Variants in NEO1 observed in about 807,000 individuals in gnomAD.
NEO1 encodes neogenin.
Under a neutral mutation model 159.7 loss-of-function variants are expected in NEO1, and 63 were observed. That is an observed-to-expected ratio of 0.39 (90% CI 0.32 to 0.49). The LOEUF is 0.49. Among genes scored for constraint, NEO1 ranks in the 20% least tolerant of loss-of-function variants. NEO1 has a pLI of 0.85. For synonymous variants in NEO1, 633 were observed against 662.0 expected, an observed-to-expected ratio of 0.96 and a Z score of 0.67; for missense variants, 1,615 against 1,831.0, an observed-to-expected ratio of 0.88 and a Z score of 2.15.
At chr15:73,297,482 T>A (rs749517127) in intron 26 of NEO1, among the ~76,000 whole-genome samples, 1 of 152,220 alleles carries the variant, frequency 6.6e-6, no homozygotes, top group Non-Finnish European at 1.5e-5. Flanking sequence ...CCTCAAAGAA[T>A]TATGTGTTAT....
intron 7 of NEO1, among the ~76,000 whole-genome samples, chr15:73,232,824 G>A (rs537864582): frequency 1.3e-5 from 2 of 152,262 alleles, no homozygotes; most frequent in South Asian, 4.2e-4. Context: ...TATCAAATGA[G>A]CTCTTCTGGC....
At chr15:73,235,260 CCTA>C (rs1338147753) in intron 7 of NEO1, among the ~76,000 whole-genome samples, 1 of 152,190 alleles carries the variant, frequency 6.6e-6, no homozygotes, top group African/African-American at 2.4e-5. Context: ...CTACATCTCT[CCTA>C]CTAATTTCCC....
intron 1 of NEO1, among the ~76,000 whole-genome samples, chr15:73,054,784 T>A (rs2067621466): frequency 6.6e-6 from 1 of 152,204 alleles, no homozygotes; most frequent in Admixed American, 6.5e-5. Flanking sequence ...GGTTGGTCAG[T>A]TCTGCCATAA....
At chr15:73,289,958 T>TA (rs1272812721) in intron 25 of NEO1, among the ~76,000 whole-genome samples, 2 of 150,622 alleles carry the variant, frequency 1.3e-5, no homozygotes, top group East Asian at 2.0e-4. Flanking sequence ...TCAAAAAAAA[T>TA]AAAAAAAATA....
chr15:73,292,539 G>C (rs953938897), intron 25 of NEO1, among the ~76,000 whole-genome samples: 26 of 152,196 alleles, frequency 1.7e-4, no homozygotes, highest in African/African-American at 6.3e-4. Flanking sequence ...TTCCATCTCA[G>C]ATGGATAATG....
chr15:73,194,406 AGGCTGTACAAGAAGCAT>A (rs1403836153), intron 7 of NEO1, among the ~76,000 whole-genome samples: 1 of 152,358 alleles, frequency 6.6e-6, no homozygotes, highest in Non-Finnish European at 1.5e-5. Context: ...CTGGTTCTGC[AGGCTGTACAAGAAGCAT>A]GGCACCATCA....
At chr15:73,224,001 G>A (rs2038435149) in intron 7 of NEO1, among the ~76,000 whole-genome samples, 1 of 152,154 alleles carries the variant, frequency 6.6e-6, no homozygotes, top group Non-Finnish European at 1.5e-5. Context: ...TTGGGTAGTG[G>A]TGAGTTCTTT....
intron 11 of NEO1, among the ~76,000 whole-genome samples, 195 bp downstream of exon 11, chr15:73,249,916 G>T (rs1228442100): frequency 6.6e-6 from 1 of 152,180 alleles, no homozygotes; most frequent in African/African-American, 2.4e-5. Context: ...TCATTGAGTT[G>T]CTGTAAAGAT....
chr15:73,270,417 A>C lies in NEO1; in HGVS notation c.2820A>C (p.Thr940=), dbSNP rs754728953. The part of the protein sequence containing the change: ...VMVTKGRRSS[T]WSMTAHGTTF... ...TGACCAAAGGTCGAAGATCAAGTAC[A>C]TGGAGTATGACAGCCCATGGGACCA... is the stretch of plus-strand genomic sequence containing the variant. The change falls in exon 18 of 29, where the codon ACA becomes ACC. Residue 940 remains threonine, a synonymous_variant. Transcript: ENST00000261908. 6.2e-7 allele frequency: 1 copy of C among 1,614,062 alleles called. No individual in the cohort carries two copies. The highest frequency in any genetic ancestry group is 1.1e-5 in the South Asian group (1 of 91,086).
At chr15:73,100,915 A>T (rs1371433561) in intron 1 of NEO1, among the ~76,000 whole-genome samples, 8 of 152,058 alleles carry the variant, frequency 5.3e-5, no homozygotes, top group African/African-American at 1.9e-4. Flanking sequence ...CCCTTCTCTC[A>T]TCATCAGCAG....
At chr15:73,168,857 C>A (rs2034766972) in intron 5 of NEO1, among the ~76,000 whole-genome samples, 1 of 151,122 alleles carries the variant, frequency 6.6e-6, no homozygotes, top group Non-Finnish European at 1.5e-5. Flanking sequence ...CTGTTAAATG[C>A]TTGGTTTTTA....
intron 9 of NEO1, among the ~76,000 whole-genome samples, chr15:73,245,297 C>T (rs1039770454): frequency 2.0e-5 from 3 of 152,062 alleles, no homozygotes; most frequent in South Asian, 2.1e-4. Flanking sequence ...TTAGGCATAC[C>T]ATGCTCTTTA....
chr15:73,255,605 T>A (rs1414013925), intron 13 of NEO1: 1 of 152,226 alleles, frequency 6.6e-6, no homozygotes, highest in Non-Finnish European at 1.5e-5. Context: ...TCCATTGGGT[T>A]TTCATAGATG....
chr15:73,151,809 A>T (rs993497606), intron 5 of NEO1, among the ~76,000 whole-genome samples: 3 of 152,236 alleles, frequency 2.0e-5, no homozygotes, highest in African/African-American at 7.2e-5. Flanking sequence ...AAACCATATC[A>T]GCTTCTATTT....
At chr15:73,147,307 CT>C (rs2032983477) in intron 5 of NEO1, among the ~76,000 whole-genome samples, 1 of 152,130 alleles carries the variant, frequency 6.6e-6, no homozygotes, top group Admixed American at 6.6e-5. Flanking sequence ...TCTTTGATTT[CT>C]TTTTTGCCTT....
At chr15:73,268,924 T>C (rs2041041550) in intron 16 of NEO1, among the ~76,000 whole-genome samples, 1 of 152,248 alleles carries the variant, frequency 6.6e-6, no homozygotes, top group Admixed American at 6.5e-5. Flanking sequence ...TACTTGGAAC[T>C]GTGATAACCA....
At chr15:73,097,112 C>T (rs530339001) in intron 1 of NEO1, among the ~76,000 whole-genome samples, 32 of 151,944 alleles carry the variant, frequency 2.1e-4, no homozygotes, top group Admixed American at 5.9e-4. Flanking sequence ...GGCTACAGAG[C>T]GAGACCCTGT....
chr15:73,244,543 C>T (rs759960612), intron 9 of NEO1, 45 bp downstream of exon 9: 1 of 1,586,528 alleles, frequency 6.3e-7, no homozygotes, highest in South Asian at 1.1e-5. Context: ...AGGTAGACCT[C>T]TCTGAAGTTC....
At chr15:73,266,057 T>C (rs542160587) in intron 15 of NEO1, among the ~76,000 whole-genome samples, 7 of 152,318 alleles carry the variant, frequency 4.6e-5, no homozygotes, top group Admixed American at 4.6e-4. Flanking sequence ...CACTAAACCA[T>C]AGGAGAGACC....
Sources: allele counts gnomAD v4.1 joint callset (sites outside exome capture counted in the v4.1 genomes callset), GRCh38; gene constraint gnomAD v4.1.1; transcripts MANE v1.5; gene names NCBI Gene and HGNC (gene_info 2026-07-23, HGNC 2026-07-21).